Variants in EPS15 observed in about 807,000 individuals in gnomAD.
EPS15 encodes epidermal growth factor receptor substrate 15.
EPS15 carries 72 observed loss-of-function variants against 113.8 expected under a neutral mutation model. The ratio of observed to expected loss-of-function variants is 0.63; its 90% CI spans 0.52 to 0.77. The LOEUF is 0.77. Ranked by LOEUF, EPS15 falls within the 30% of genes least tolerant of loss-of-function variation. The pLI is 0.00. For synonymous variants in EPS15, 344 were observed against 363.4 expected (o/e 0.95, Z 0.61); for missense variants, 1,048 against 1,045.8 (o/e 1.00, Z -0.03).
chr1:51,504,839 A>C (rs72674559), intron 1 of EPS15, among the ~76,000 whole-genome samples: 4,575 of 152,234 alleles, frequency 0.03, 76 homozygotes, highest in African/African-American at 0.05. Flanking sequence ...AACAGTCAGC[A>C]GCCGAGCGTG....
chr1:51,355,038 A>G lies in EPS15; in HGVS notation c.*1662T>C. ...TTGCAGAAAATCCTTAGGTCACTGG[A>G]TTCGTTTATCAAAATTAAGCCTTGT... On this transcript the variant is annotated 3_prime_UTR_variant, in exon 25 of 25. Coordinates refer to ENST00000371733, the MANE Select transcript of EPS15 (RefSeq NM_001981.3). 1 of 223,288 alleles carries G rather than the reference A, an allele frequency of 4.5e-6. No individual in the cohort carries two copies. The allele number at this position is 223,288 out of a possible 1,614,324, so 13.8% of individuals were successfully genotyped here.
At chr1:51,431,022 AC>A (rs1557462646) in intron 12 of EPS15, among the ~76,000 whole-genome samples, 112 of 126,528 alleles carry the variant, frequency 8.9e-4, no homozygotes, top group African/African-American at 1.8e-3. Flanking sequence ...ACACACACAC[AC>A]ACACAAAAAT....
chr1:51,370,774 C>T (rs1449687190), intron 21 of EPS15, among the ~76,000 whole-genome samples: 2 of 152,020 alleles, frequency 1.3e-5, no homozygotes, highest in African/African-American at 4.8e-5. Context: ...GCACGTACCA[C>T]CATGCCTGGC....
chr1:51,445,618 TA>T (rs1652976292), intron 10 of EPS15, among the ~76,000 whole-genome samples: 1 of 152,088 alleles, frequency 6.6e-6, no homozygotes. Context: ...GCAAAGGTTT[TA>T]CTCTACTTTC....
intron 21 of EPS15, among the ~76,000 whole-genome samples, chr1:51,373,948 T>C (rs1646724021): frequency 6.6e-6 from 1 of 152,064 alleles, no homozygotes; most frequent in Admixed American, 6.6e-5. Flanking sequence ...CAAGACTCCG[T>C]CTCCAAAAAA....
chr1:51,368,046 C>T (rs1646546483), intron 21 of EPS15, among the ~76,000 whole-genome samples: 1 of 152,182 alleles, frequency 6.6e-6, no homozygotes, highest in Non-Finnish European at 1.5e-5. Context: ...GCAGGAGAAT[C>T]ACTTGAACCT....
Position 51,519,251 on chromosome 1 carries a change from G to A in EPS15, c.-20C>T, listed in dbSNP as rs370831211. ...AGCCATGGTGTTTCCATCATGCAAGGGAGGGGAAGGAAGACGGGCTGACTG... is the reference window on the plus strand; with the variant it reads ...AGCCATGGTGTTTCCATCATGCAAGAGAGGGGAAGGAAGACGGGCTGACTG... On this transcript the variant is annotated 5_prime_UTR_variant, in exon 1 of 25. Coordinates refer to ENST00000371733, the MANE Select transcript of EPS15 (RefSeq NM_001981.3). 1.3e-4 allele frequency: 177 copies of A among 1,362,274 alleles called. 1 individual carries two copies. The African/African-American group carries it at 2.5e-3, about 19-fold the overall frequency. 84.4% of individuals were successfully genotyped at this position (1,362,274 alleles called of 1,614,324 possible).
chr1:51,421,039 G>T (rs1045289099), intron 13 of EPS15, among the ~76,000 whole-genome samples: 12 of 152,054 alleles, frequency 7.9e-5, no homozygotes, highest in African/African-American at 2.4e-4. Context: ...CAGCACTAAG[G>T]AAACAGTACC....
chr1:51,419,791 G>C (rs1445789476), intron 13 of EPS15, among the ~76,000 whole-genome samples: 1 of 152,042 alleles, frequency 6.6e-6, no homozygotes, highest in Non-Finnish European at 1.5e-5. Flanking sequence ...GGGTAAATCA[G>C]AGTTACCTCA....
chr1:51,435,787 CA>C (rs1652101939), intron 12 of EPS15, among the ~76,000 whole-genome samples: 1 of 152,030 alleles, frequency 6.6e-6, no homozygotes, highest in Admixed American at 6.5e-5. Context: ...TATAGTTAAA[CA>C]GTAGAAATAC....
intron 12 of EPS15, among the ~76,000 whole-genome samples, chr1:51,434,577 G>A (rs1372845147): frequency 3.3e-5 from 5 of 152,184 alleles, no homozygotes; most frequent in Non-Finnish European, 5.9e-5. Context: ...TAGAGTATGG[G>A]GAGTTATTGT....
chr1:51,378,636 T>C (rs1367967007), intron 21 of EPS15, among the ~76,000 whole-genome samples: 1 of 152,244 alleles, frequency 6.6e-6, no homozygotes, highest in African/African-American at 2.4e-5. Context: ...AAAGCACCAA[T>C]GCACTCTAAT....
chr1:51,499,589 G>T (rs544451997), intron 1 of EPS15, among the ~76,000 whole-genome samples: 6 of 152,088 alleles, frequency 3.9e-5, no homozygotes, highest in Admixed American at 2.0e-4. Flanking sequence ...CATGCACAAG[G>T]GTTCCAGTAT....
intron 1 of EPS15, among the ~76,000 whole-genome samples, chr1:51,490,065 A>C (rs10493156): frequency 0.015 from 2,244 of 152,338 alleles, 65 homozygotes; most frequent in African/African-American, 0.052. Context: ...TCAAGTAGTA[A>C]TAAAAAAGAT....
chr1:51,402,450 C>T lies in EPS15; in HGVS notation c.1867G>A (p.Asp623Asn). ...GAGTACTTACTGCCAACAAAAGGAT[C>T]AGACTGGAAAAAATCCAAGTTTGTA... ...ADTNLDFFQS[D>N]PFVGSDPFKD... is the part of the protein sequence containing the mutation. The change falls in exon 18 of 25, where the codon GAT becomes AAT. Residue 623 changes from aspartate to asparagine, a missense_variant. Transcript: ENST00000371733. 1 of 1,574,278 alleles carries T rather than the reference C, an allele frequency of 6.4e-7. No individual in the cohort carries two copies. Among genetic ancestry groups the T allele is most frequent in the South Asian group, 1.2e-5 (1 of 85,898 alleles).
At chr1:51,411,392 T>C (rs1240408071) in intron 13 of EPS15, among the ~76,000 whole-genome samples, 1 of 152,172 alleles carries the variant, frequency 6.6e-6, no homozygotes, top group Non-Finnish European at 1.5e-5. Context: ...AAGTGACCCT[T>C]GTGCCATGAA....
At chr1:51,482,623 G>A (rs1644041142) in intron 1 of EPS15, among the ~76,000 whole-genome samples, 2 of 151,990 alleles carry the variant, frequency 1.3e-5, no homozygotes, top group African/African-American at 4.8e-5. Context: ...GCACCACCAT[G>A]CCTGGCTAAT....
At chr1:51,417,036 T>A (rs575645712) in intron 13 of EPS15, among the ~76,000 whole-genome samples, 2 of 152,030 alleles carry the variant, frequency 1.3e-5, no homozygotes, top group Non-Finnish European at 2.9e-5. Flanking sequence ...CTAGGGTGGG[T>A]GTTAGAAAAC....
At chr1:51,359,252 C>G (rs940388257) in intron 24 of EPS15, among the ~76,000 whole-genome samples, 1 of 151,516 alleles carries the variant, frequency 6.6e-6, no homozygotes, top group African/African-American at 2.4e-5. Context: ...GAGACCATCC[C>G]GGCCAACATG....
Sources: gnomAD v4.1 joint callset for allele counts (sites outside exome capture counted in the v4.1 genomes callset) on GRCh38, gnomAD v4.1.1 for gene constraint, MANE v1.5 for transcripts, NCBI Gene and HGNC (gene_info 2026-07-23, HGNC 2026-07-21) for gene names.